SH3KBP1: variants seen among roughly 807,000 people sequenced by gnomAD.
The protein encoded by SH3KBP1 is SH3 domain containing kinase binding protein 1.
Under a neutral mutation model 50.1 loss-of-function variants are expected in SH3KBP1, and 8 were observed. The observed-to-expected ratio is 0.16, with a 90% CI of 0.09 to 0.29. SH3KBP1 has a LOEUF of 0.29. SH3KBP1 is among the 10% of genes least tolerant of loss of function. The pLI, the probability that SH3KBP1 is intolerant of heterozygous loss-of-function variation, is 1.00. For synonymous variants in SH3KBP1, 227 were observed against 218.6 expected (o/e 1.04, Z -0.34); for missense variants, 377 against 535.2 (o/e 0.70, Z 2.92).
chrX:19,823,424 T>C (rs1453890090), intron 2 of SH3KBP1, among the ~76,000 whole-genome samples: 8 of 111,960 alleles, frequency 7.1e-5, no homozygotes, highest in South Asian at 3.7e-4. Context: ...CTTGCGGCCG[T>C]AGGTCTGAGG....
chrX:19,593,041 G>A (rs1341427758), intron 10 of SH3KBP1, among the ~76,000 whole-genome samples: 5 of 112,129 alleles, frequency 4.5e-5, no homozygotes, highest in Non-Finnish European at 9.4e-5. Flanking sequence ...CAAATTTGGG[G>A]TCCTTCAAGT....
At chrX:19,843,076 T>C (rs1467733615) in intron 1 of SH3KBP1, among the ~76,000 whole-genome samples, 1 of 91,205 alleles carries the variant, frequency 1.1e-5, no homozygotes, top group Non-Finnish European at 2.1e-5. Context: ...TGGAGTGCAA[T>C]GGCGTGATCT....
At chrX:19,593,419 A>AT (rs561849067) in intron 10 of SH3KBP1, among the ~76,000 whole-genome samples, 30 of 110,525 alleles carry the variant, frequency 2.7e-4, no homozygotes, top group South Asian at 1.9e-3. Flanking sequence ...TTCATATCTG[A>AT]TTTTTTTTTG....
intron 2 of SH3KBP1, among the ~76,000 whole-genome samples, chrX:19,834,965 G>A (rs568676445): frequency 9.2e-6 from 1 of 108,315 alleles, no homozygotes; most frequent in East Asian, 2.9e-4. Flanking sequence ...AACCTGGGAG[G>A]TGGAGGTTGC....
chrX:19,844,381 A>C (rs993538429), intron 1 of SH3KBP1, among the ~76,000 whole-genome samples: 5 of 111,912 alleles, frequency 4.5e-5, no homozygotes, highest in Admixed American at 2.8e-4. Flanking sequence ...ATACCTTACC[A>C]TTCAACTCAA....
At chrX:19,611,956 G>GAAAAAA (rs3036638) in intron 8 of SH3KBP1, among the ~76,000 whole-genome samples, 496 of 37,928 alleles carry the variant, frequency 0.013, 21 homozygotes, top group African/African-American at 0.045. Flanking sequence ...AGCAGAAGTA[G>GAAAAAA]AAAAAAAAAA....
rs373814483 is a variant in SH3KBP1 at position 19,688,942 on chromosome X, A to T, written c.521-4914T>A. On this transcript the variant is annotated intron_variant, in intron 5 of 17. Coordinates refer to ENST00000397821, the MANE Select transcript of SH3KBP1 (RefSeq NM_031892.3). ...CATGTTAAAATGGGAAACCCAAGAG[A>T]AACCACACTGTCAGCTTCTGGGCCT... Among the ~76,000 whole-genome samples the T allele has an allele frequency of 7.2e-5, 8 of 111,320 alleles. No homozygotes were observed. In the East Asian group the frequency reaches 2.3e-3, roughly 32 times the overall value.
At chrX:19,757,212 T>G (rs2065236042) in intron 2 of SH3KBP1, among the ~76,000 whole-genome samples, 1 of 98,052 alleles carries the variant, frequency 1.0e-5, no homozygotes, top group Admixed American at 1.2e-4. Context: ...CCAAAATCAC[T>G]AAGCTAAAGG....
At chrX:19,639,666 G>C (rs1038669436) in intron 7 of SH3KBP1, among the ~76,000 whole-genome samples, 1 of 110,929 alleles carries the variant, frequency 9.0e-6, no homozygotes, top group African/African-American at 3.3e-5. Flanking sequence ...CTTAGGAAGA[G>C]GTGGGTACCC....
intron 2 of SH3KBP1, among the ~76,000 whole-genome samples, chrX:19,797,547 G>T (rs1275549814): frequency 8.9e-6 from 1 of 111,805 alleles, no homozygotes; most frequent in East Asian, 2.8e-4. Flanking sequence ...AGTACCGAAG[G>T]TTGGCACTCT....
intron 2 of SH3KBP1, among the ~76,000 whole-genome samples, chrX:19,758,327 C>CAAAAAAAA (rs60332447): frequency 2.7e-5 from 1 of 37,667 alleles, no homozygotes; most frequent in African/African-American, 5.9e-5. Flanking sequence ...GACTTCGTTT[C>CAAAAAAAA]AAAAAAAAAA....
rs1349930000 is a variant in SH3KBP1 at position 19,887,336 on chromosome X, G to A, written c.-26C>T. The A allele has an allele frequency of 3.1e-6, 3 of 973,086 alleles. No homozygotes were observed. Among genetic ancestry groups the A allele is most frequent in the Non-Finnish European group, 3.9e-6 (3 of 773,465 alleles). The allele number at this position is 973,086 out of a possible 1,213,427, so 80.2% of individuals were successfully genotyped here. The stretch of plus-strand genomic sequence containing the variant: ...TGGCGTCGAGCCGGGCCGGGCCGCC[G>A]AGGCAGCGTGAAAGTTGGCGGAGGC... On this transcript the variant is annotated 5_prime_UTR_variant, in exon 1 of 18. Coordinates refer to ENST00000397821, the MANE Select transcript of SH3KBP1 (RefSeq NM_031892.3).
intron 2 of SH3KBP1, among the ~76,000 whole-genome samples, chrX:19,774,969 T>C (rs1021916861): frequency 9.0e-6 from 1 of 110,959 alleles, no homozygotes; most frequent in East Asian, 2.8e-4. Flanking sequence ...GGGGAGCGCA[T>C]TGGTCCCCTC....
chrX:19,774,758 T>TG (rs2148900019), intron 2 of SH3KBP1, among the ~76,000 whole-genome samples: 1 of 110,842 alleles, frequency 9.0e-6, no homozygotes, highest in African/African-American at 3.3e-5. Context: ...CCAATAAATA[T>TG]GGGGGGTTTA....
Position 19,560,230 on chromosome X carries a change from C to A in SH3KBP1, c.1384+8873G>T, listed in dbSNP as rs981719082. Among the ~76,000 whole-genome samples, 41 of 101,731 alleles carry A rather than the reference C, an allele frequency of 4.0e-4. 1 individual carries two copies. The highest frequency in any genetic ancestry group is 2.7e-4 in the African/African-American group (7 of 26,290). The allele number at this position is 101,731 out of a possible 115,157, so 88.3% of individuals were successfully genotyped here. A position where few individuals can be genotyped will look rare whatever the true frequency, so the allele number is the denominator to read the frequency against. The stretch of plus-strand genomic sequence containing the variant: ...AAAAATCATTAAGCCAAAAAAAAAA[C>A]CCCTAGATTAGATCTTATAAAGGGC... On this transcript the variant is annotated intron_variant, in intron 13 of 17. Coordinates refer to ENST00000397821, the MANE Select transcript of SH3KBP1 (RefSeq NM_031892.3).
intron 4 of SH3KBP1, among the ~76,000 whole-genome samples, chrX:19,701,905 GCTA>G (rs1341783478): frequency 1.8e-5 from 2 of 111,935 alleles, no homozygotes; most frequent in Admixed American, 9.5e-5. Flanking sequence ...TTGCAAATAT[GCTA>G]CTTTTATATG....
intron 6 of SH3KBP1, among the ~76,000 whole-genome samples, chrX:19,676,287 T>C (rs1196674811): frequency 1.8e-5 from 2 of 110,122 alleles, no homozygotes; most frequent in South Asian, 3.9e-4. Flanking sequence ...CTTATTGACA[T>C]GTTTTAATTT....
At chrX:19,748,583 T>C (rs915447107) in intron 2 of SH3KBP1, among the ~76,000 whole-genome samples, 3 of 112,007 alleles carry the variant, frequency 2.7e-5, no homozygotes, top group African/African-American at 9.7e-5. Flanking sequence ...ATAGAGAAGC[T>C]GAATGATGAG....
intron 13 of SH3KBP1, among the ~76,000 whole-genome samples, chrX:19,552,964 C>G (rs2065285328): frequency 9.0e-6 from 1 of 110,951 alleles, no homozygotes. Flanking sequence ...TGCCTGGGCT[C>G]TCTAACAGTG....
Sources: gnomAD v4.1 joint callset for allele counts (sites outside exome capture counted in the v4.1 genomes callset) on GRCh38, gnomAD v4.1.1 for gene constraint, MANE v1.5 for transcripts, NCBI Gene and HGNC (gene_info 2026-07-23, HGNC 2026-07-21) for gene names.